SLC5A8: variants seen among roughly 807,000 people sequenced by gnomAD.
SLC5A8 encodes the protein solute carrier family 5 member 8, also known as sodium-coupled monocarboxylate transporter 1.
SLC5A8 carries 55 observed loss-of-function variants against 71.9 expected under a neutral mutation model. The ratio of observed to expected loss-of-function variants is 0.77; its 90% CI spans 0.62 to 0.96. The LOEUF is 0.96. Among genes scored for constraint, SLC5A8 ranks in the 40% least tolerant of loss-of-function variants. The pLI, the probability that SLC5A8 is intolerant of heterozygous loss-of-function variation, is 0.00. For synonymous variants in SLC5A8, 307 were observed against 276.1 expected (o/e 1.11, Z -1.11); for missense variants, 701 against 745.3 (o/e 0.94, Z 0.69).
At chr12:101,187,262 A>G (rs1362001844) in intron 7 of SLC5A8, 124 bp downstream of exon 7, 11 of 1,063,482 alleles carry the variant, frequency 1.0e-5, no homozygotes, top group Non-Finnish European at 1.4e-5. Context: ...TTTTATAGAA[A>G]TGTAAGATGA....
At chr12:101,186,080 ATTTTTT>A (rs35334880) in intron 7 of SLC5A8, among the ~76,000 whole-genome samples, 2 of 134,824 alleles carry the variant, frequency 1.5e-5, no homozygotes, top group Non-Finnish European at 1.6e-5. Flanking sequence ...AGCCGTAGGG[ATTTTTT>A]TTTTTTTTTT....
chr12:101,166,665 A>AG lies in SLC5A8; in HGVS notation c.1354_1355insC (p.Ile452ThrfsTer17). ...AGCTCCAATTCCAACCCATAGAGAA[A>AG]TGGCAAATCCAGCCATCAGACCAAC... On this transcript the variant is annotated frameshift_variant, in exon 12 of 15. Transcript: ENST00000536262. LOFTEE classifies it high-confidence loss of function. The AG allele has an allele frequency of 6.2e-7, 1 of 1,612,672 alleles. No homozygotes were observed. The highest frequency in any genetic ancestry group is 8.5e-7 in the Non-Finnish European group (1 of 1,179,592).
rs1339924697 is a variant in SLC5A8 at position 101,184,232 on chromosome 12, T to C, written c.964-10A>G. 2.5e-6 allele frequency: 4 copies of C among 1,611,932 alleles called. No homozygotes were observed. Among genetic ancestry groups the C allele is most frequent in the Non-Finnish European group, 3.4e-6 (4 of 1,178,790 alleles). On this transcript the variant is annotated splice_polypyrimidine_tract_variant and intron_variant, in intron 7 of 14. Coordinates refer to ENST00000536262, the MANE Select transcript of SLC5A8 (RefSeq NM_145913.5). ...CCAAATAAGGCATGAGCTGAAAAAT[T>C]CCAAAATTTATTTCCAAGTACTTTC...
At chr12:101,190,316 G>T (rs917560541) in intron 6 of SLC5A8, 152 bp downstream of exon 6, 7 of 781,894 alleles carry the variant, frequency 9.0e-6, no homozygotes, top group Non-Finnish European at 1.4e-5. Context: ...GTAACAATTT[G>T]TTCTTGGTCC....
At chr12:101,171,476 C>G (rs1277235962) in intron 10 of SLC5A8, among the ~76,000 whole-genome samples, 1 of 152,112 alleles carries the variant, frequency 6.6e-6, no homozygotes, top group African/African-American at 2.4e-5. Flanking sequence ...CATGGTCAGT[C>G]AAATCTTGAG....
At position 101,190,159 on chromosome 12, in the gene SLC5A8, C is replaced by T. The variant is rs1868833607; in HGVS notation, c.833+309G>A. 2.0e-5 allele frequency among the ~76,000 whole-genome samples: 3 copies of T among 152,076 alleles called. No individual in the cohort carries two copies. The South Asian group carries it at 6.2e-4, about 32-fold the overall frequency. On this transcript the variant is annotated intron_variant, in intron 6 of 14. Transcript: ENST00000536262. Reference sequence around the variant, plus strand: ...TTTTTCACATACTTGCATGTATTTTCCTAATTTGAGGTTAATTTTCTTCAG... The same window carrying T: ...TTTTTCACATACTTGCATGTATTTTTCTAATTTGAGGTTAATTTTCTTCAG...
intron 1 of SLC5A8, among the ~76,000 whole-genome samples, chr12:101,208,508 G>A (rs891832248): frequency 2.0e-5 from 3 of 152,078 alleles, no homozygotes; most frequent in South Asian, 2.1e-4. Context: ...ACTGGGCCCC[G>A]CCACTCCCCT....
intron 2 of SLC5A8, among the ~76,000 whole-genome samples, chr12:101,203,260 T>C (rs1869533640): frequency 6.6e-6 from 1 of 152,224 alleles, no homozygotes; most frequent in Non-Finnish European, 1.5e-5. Flanking sequence ...AAATTTAAGT[T>C]ATATAATTTG....
intron 2 of SLC5A8, 75 bp downstream of exon 2, chr12:101,204,425 G>T: frequency 7.8e-7 from 1 of 1,277,960 alleles, no homozygotes; most frequent in Non-Finnish European, 1.1e-6. Context: ...GTGATTCCCA[G>T]GTAAGCTTAA....
intron 4 of SLC5A8, 79 bp downstream of exon 4, chr12:101,195,016 T>A: frequency 1.5e-6 from 2 of 1,379,068 alleles, no homozygotes; most frequent in Non-Finnish European, 2.0e-6. Flanking sequence ...CAAACAAGAT[T>A]GCGGTATACA....
intron 12 of SLC5A8, among the ~76,000 whole-genome samples, chr12:101,162,952 G>A (rs958529266): frequency 5.3e-5 from 8 of 152,174 alleles, no homozygotes; most frequent in Non-Finnish European, 8.8e-5. Flanking sequence ...AGTAAAACAA[G>A]ATGATGTGCT....
At position 101,166,505 on chromosome 12, in the gene SLC5A8, G is replaced by A; in HGVS notation, c.1515C>T (p.Tyr505=). The change falls in exon 12 of 15, where the codon TAC becomes TAT. Residue 505 remains tyrosine (Y), a synonymous_variant. Coordinates refer to ENST00000536262, the MANE Select transcript of SLC5A8 (RefSeq NM_145913.5). Reference sequence around the variant, plus strand: ...ACTTAATTCAATACCTTTGAACATTGTATATTTGAAAAACACTAGTAGTAA... The same window carrying A: ...ACTTAATTCAATACCTTTGAACATTATATATTTGAAAAACACTAGTAGTAA... ...MPFTTSVFQI[Y]NVQRTPLMDN... 1 of 1,612,938 alleles carries A rather than the reference G, an allele frequency of 6.2e-7. No individual in the cohort carries two copies. The highest frequency in any genetic ancestry group is 8.5e-7 in the Non-Finnish European group (1 of 1,179,508).
At chr12:101,203,329 G>T (rs945529457) in intron 2 of SLC5A8, among the ~76,000 whole-genome samples, 5 of 152,054 alleles carry the variant, frequency 3.3e-5, no homozygotes, top group Admixed American at 3.3e-4. Context: ...TCTCACTGCA[G>T]CAAATCCTAA....
At chr12:101,186,617 C>G (rs1460499719) in intron 7 of SLC5A8, among the ~76,000 whole-genome samples, 1 of 152,124 alleles carries the variant, frequency 6.6e-6, no homozygotes, top group African/African-American at 2.4e-5. Flanking sequence ...AATCCTGGCT[C>G]CAGGTTACTA....
chr12:101,166,535 C>T lies in SLC5A8; in HGVS notation c.1485G>A (p.Met495Ile), dbSNP rs1180628374. ...TTTGAAAAACACTAGTAGTAAATGG[C>T]ATTTCTGTGGTTGTCATCAAATTTG... is the stretch of plus-strand genomic sequence containing the variant. ...NETNLMTTTE[M>I]PFTTSVFQIY... Residue 495 changes from methionine to isoleucine, a missense_variant, in exon 12 of 15, where the codon ATG (methionine) becomes ATA (isoleucine). By Grantham distance (10) the Met-to-Ile change is conservative. Transcript: ENST00000536262. 1.2e-6 allele frequency: 2 copies of T among 1,613,848 alleles called. No homozygotes were observed. The highest frequency in any genetic ancestry group is 1.7e-6 in the Non-Finnish European group (2 of 1,179,910).
At chr12:101,164,623 G>A (rs944817683) in intron 12 of SLC5A8, among the ~76,000 whole-genome samples, 6 of 151,952 alleles carry the variant, frequency 3.9e-5, no homozygotes, top group African/African-American at 1.2e-4. Context: ...TTCATTCTGC[G>A]ACACACACTC....
At chr12:101,178,848 C>T (rs562600946) in intron 10 of SLC5A8, among the ~76,000 whole-genome samples, 76 of 150,296 alleles carry the variant, frequency 5.1e-4, no homozygotes, top group Non-Finnish European at 9.3e-4. Flanking sequence ...CTTTGACAGA[C>T]CCTGTTATGA....
intron 9 of SLC5A8, among the ~76,000 whole-genome samples, chr12:101,182,065 G>T (rs1868391828): frequency 6.6e-6 from 1 of 152,134 alleles, no homozygotes; most frequent in African/African-American, 2.4e-5. Context: ...TCTTTGAGTT[G>T]GATATTACAT....
chr12:101,193,081 C>T (rs1312957721), intron 5 of SLC5A8, among the ~76,000 whole-genome samples: 2 of 150,890 alleles, frequency 1.3e-5, no homozygotes, highest in Non-Finnish European at 2.9e-5. Flanking sequence ...AAGCAATTAT[C>T]CTGCCTCAGC....
Sources: allele counts gnomAD v4.1 joint callset (sites outside exome capture counted in the v4.1 genomes callset), GRCh38; gene constraint gnomAD v4.1.1; transcripts MANE v1.5; gene names NCBI Gene and HGNC (gene_info 2026-07-23, HGNC 2026-07-21).